The following PTCHD4 variants were observed in gnomAD, a reference collection of about 807,000 sequenced individuals.
The protein encoded by PTCHD4 is patched domain containing 4.
In PTCHD4, 33 loss-of-function variants were observed where a neutral mutation model predicts 58.1. The observed-to-expected ratio is 0.57, with a 90% CI of 0.43 to 0.76. PTCHD4 has a LOEUF of 0.76. Ranked by LOEUF, PTCHD4 falls within the 30% of genes least tolerant of loss-of-function variation. The pLI is 0.00. For synonymous variants in PTCHD4, 478 were observed against 409.6 expected, an observed-to-expected ratio of 1.17 and a Z score of -2.02; for missense variants, 1,058 against 1,027.1, an observed-to-expected ratio of 1.03 and a Z score of -0.41.
rs566875617 is a variant in PTCHD4 at position 47,877,265 on chromosome 6, A to G, written c.*1038T>C. Among the ~76,000 whole-genome samples, 1 of 152,036 alleles carries G rather than the reference A, an allele frequency of 6.6e-6. No individual in the cohort carries two copies. The highest frequency in any genetic ancestry group is 1.5e-5 in the Non-Finnish European group (1 of 67,972). ...GTTATTTTCCCTATCTAAAATAAGAACGGTGTAACTATGGAGTACCCCAAC... is the reference window on the plus strand; with the variant it reads ...GTTATTTTCCCTATCTAAAATAAGAGCGGTGTAACTATGGAGTACCCCAAC... On this transcript the variant is annotated 3_prime_UTR_variant, in exon 5 of 5. Transcript: ENST00000339488.
chr6:47,952,454 T>G (rs975649495), intron 4 of PTCHD4, among the ~76,000 whole-genome samples: 4 of 152,112 alleles, frequency 2.6e-5, no homozygotes, highest in Non-Finnish European at 1.5e-5. Flanking sequence ...ATATACTCAG[T>G]GGTAAATGTT....
intron 3 of PTCHD4, among the ~76,000 whole-genome samples, chr6:48,022,717 G>A (rs960335426): frequency 5.9e-5 from 9 of 151,890 alleles, no homozygotes; most frequent in African/African-American, 1.7e-4. Flanking sequence ...CCATACTCTT[G>A]GATATCTAGG....
In PTCHD4 at chr6:47,912,911, G is replaced by C. The variant is rs139411149; in HGVS notation, c.899-32975C>G. Among the ~76,000 whole-genome samples, 226 of 152,146 alleles carry C rather than the reference G, an allele frequency of 1.5e-3. 3 individuals are homozygous for C. The highest frequency in any genetic ancestry group is 2.1e-3 in the Non-Finnish European group (142 of 67,980). Reference sequence around the variant, plus strand: ...AATAATCTTTAAAATGTTCTTTTTAGTCTAGCTTTTCTATCTTTCGCCTTG... The same window carrying C: ...AATAATCTTTAAAATGTTCTTTTTACTCTAGCTTTTCTATCTTTCGCCTTG... On this transcript the variant is annotated intron_variant, in intron 4 of 4. Transcript: ENST00000339488.
At chr6:47,949,685 C>T (rs1003203843) in intron 4 of PTCHD4, among the ~76,000 whole-genome samples, 1 of 152,074 alleles carries the variant, frequency 6.6e-6, no homozygotes, top group Non-Finnish European at 1.5e-5. Context: ...TCCAACTCCT[C>T]CTTTCTTTGA....
At chr6:47,919,820 T>C (rs1308736565) in intron 4 of PTCHD4, among the ~76,000 whole-genome samples, 1 of 152,104 alleles carries the variant, frequency 6.6e-6, no homozygotes, top group Non-Finnish European at 1.5e-5. Context: ...CACTAAAACA[T>C]GTTTTATTTT....
rs1763798137 is a variant in PTCHD4 at position 47,874,581 on chromosome 6, A to G, written c.*3722T>C. ...TTACGGGGAAATGTGATAGATAATTACAAAATGGACAAAGCTTTTACTGTC... is the reference window on the plus strand; with the variant it reads ...TTACGGGGAAATGTGATAGATAATTGCAAAATGGACAAAGCTTTTACTGTC... On this transcript the variant is annotated 3_prime_UTR_variant, in exon 5 of 5. Coordinates refer to ENST00000339488, the MANE Select transcript of PTCHD4 (RefSeq NM_001384253.1). Among the ~76,000 whole-genome samples the G allele has an allele frequency of 2.6e-5, 4 of 151,822 alleles. No homozygotes were observed. The highest frequency in any genetic ancestry group is 1.3e-4 in the Admixed American group (2 of 15,206).
At chr6:47,889,406 C>T (rs1407899463) in intron 4 of PTCHD4, among the ~76,000 whole-genome samples, 1 of 148,892 alleles carries the variant, frequency 6.7e-6, no homozygotes, top group East Asian at 2.0e-4. Flanking sequence ...CTCTGATGGC[C>T]AGTGATGATG....
intron 1 of PTCHD4, among the ~76,000 whole-genome samples, chr6:48,088,561 T>G (rs1419052591): frequency 6.6e-6 from 1 of 152,232 alleles, no homozygotes; most frequent in Non-Finnish European, 1.5e-5. Context: ...GACTTATCTC[T>G]TAAAAGCTGT....
chr6:47,948,998 A>G (rs1012843587), intron 4 of PTCHD4, among the ~76,000 whole-genome samples: 1 of 152,248 alleles, frequency 6.6e-6, no homozygotes, highest in African/African-American at 2.4e-5. Context: ...GTTTCTGAAA[A>G]TTAAATGCTG....
chr6:47,878,129 T>C lies in PTCHD4; in HGVS notation c.*174A>G, dbSNP rs1763896205. 1.9e-6 allele frequency: 1 copy of C among 531,034 alleles called. No homozygotes were observed. The highest frequency in any genetic ancestry group is 3.2e-6 in the Non-Finnish European group (1 of 309,166). The allele number at this position is 531,034 out of a possible 1,614,324, so 32.9% of individuals were successfully genotyped here. On this transcript the variant is annotated 3_prime_UTR_variant, in exon 5 of 5. Coordinates refer to ENST00000339488, the MANE Select transcript of PTCHD4 (RefSeq NM_001384253.1). ...TTGCAAATAACTTTTTCCTCTTTTT[T>C]TATTCCCTCTTCCCCCCAAGAAGCA... is the stretch of plus-strand genomic sequence containing the variant.
chr6:48,045,999 G>C (rs1449368756), intron 3 of PTCHD4, among the ~76,000 whole-genome samples: 2 of 151,728 alleles, frequency 1.3e-5, no homozygotes, highest in Non-Finnish European at 2.9e-5. Flanking sequence ...CTTGGTATAA[G>C]CTGTGACTTT....
chr6:47,918,364 T>C (rs1259034515), intron 4 of PTCHD4, among the ~76,000 whole-genome samples: 2 of 151,888 alleles, frequency 1.3e-5, no homozygotes, highest in Non-Finnish European at 2.9e-5. Flanking sequence ...AACTCTAAAC[T>C]AGAAAAAAAA....
In PTCHD4 at chr6:47,872,240, T is replaced by C. The variant is rs1226221108; in HGVS notation, c.*6063A>G. 4.6e-5 allele frequency among the ~76,000 whole-genome samples: 7 copies of C among 151,732 alleles called. No individual in the cohort carries two copies. The highest frequency in any genetic ancestry group is 3.9e-4 in the Admixed American group (6 of 15,200). ...AGCACTGAAAAGTTATACATTTTTATTAAACACCAGTAATCTTTCGTCCAT... is the reference window on the plus strand; with the variant it reads ...AGCACTGAAAAGTTATACATTTTTACTAAACACCAGTAATCTTTCGTCCAT... On this transcript the variant is annotated 3_prime_UTR_variant, in exon 5 of 5. Coordinates refer to ENST00000339488, the MANE Select transcript of PTCHD4 (RefSeq NM_001384253.1).
At position 47,927,293 on chromosome 6, in the gene PTCHD4, G is replaced by A. The variant is rs556750286; in HGVS notation, c.899-47357C>T. The stretch of plus-strand genomic sequence containing the variant: ...TCTTGTTGCTTGCCATTGATATAGG[G>A]AGAATGTGGGTGGTAGTAGGGATGA... On this transcript the variant is annotated intron_variant, in intron 4 of 4. Transcript: ENST00000339488. Among the ~76,000 whole-genome samples the A allele has an allele frequency of 1.5e-3, 235 of 152,298 alleles. 1 individual carries two copies. The highest frequency in any genetic ancestry group is 2.9e-3 in the Non-Finnish European group (194 of 68,028).
intron 4 of PTCHD4, among the ~76,000 whole-genome samples, chr6:47,998,302 C>T (rs985891646): frequency 9.9e-5 from 15 of 152,082 alleles, no homozygotes; most frequent in Non-Finnish European, 1.9e-4. Context: ...CTCCCATGTC[C>T]CTCCCTGCTT....
chr6:48,062,465 C>CT (rs1023948460), intron 3 of PTCHD4, among the ~76,000 whole-genome samples: 5 of 151,844 alleles, frequency 3.3e-5, no homozygotes, highest in African/African-American at 9.7e-5. Context: ...CCACCCCCCA[C>CT]TTTTTTTTAA....
At chr6:48,025,752 T>C (rs952043013) in intron 3 of PTCHD4, among the ~76,000 whole-genome samples, 13 of 152,196 alleles carry the variant, frequency 8.5e-5, no homozygotes, top group African/African-American at 3.1e-4. Context: ...GTCAATGCAT[T>C]GTTAAAAATA....
At chr6:47,976,386 G>T (rs924673521) in intron 4 of PTCHD4, among the ~76,000 whole-genome samples, 1 of 152,120 alleles carries the variant, frequency 6.6e-6, no homozygotes, top group Non-Finnish European at 1.5e-5. Context: ...CAGGCGCTGT[G>T]GCTCATGCCT....
chr6:48,057,304 CAT>C, intron 3 of PTCHD4, among the ~76,000 whole-genome samples: 1 of 151,962 alleles, frequency 6.6e-6, no homozygotes, highest in East Asian at 1.9e-4. Flanking sequence ...TTGGACAAAT[CAT>C]AGGATATCAG....
Sources: allele counts gnomAD v4.1 joint callset (sites outside exome capture counted in the v4.1 genomes callset), GRCh38; gene constraint gnomAD v4.1.1; transcripts MANE v1.5; gene names NCBI Gene and HGNC (gene_info 2026-07-23, HGNC 2026-07-21).